CLSTN2: variants seen among roughly 807,000 people sequenced by gnomAD.
CLSTN2 encodes the protein calsyntenin 2, also known as calsyntenin-2.
Under a neutral mutation model 101.2 loss-of-function variants are expected in CLSTN2, and 48 were observed. The observed-to-expected ratio is 0.47, with a 90% CI of 0.38 to 0.60. The LOEUF is 0.60. CLSTN2 is among the 20% of genes least tolerant of loss of function. The probability of loss-of-function intolerance (pLI) is 0.00; values close to 1 mark genes in which losing one functional copy is unlikely to be tolerated. For synonymous variants in CLSTN2, 481 were observed against 463.6 expected (o/e 1.04, Z -0.48); for missense variants, 1,160 against 1,238.2 (o/e 0.94, Z 0.95).
chr3:140,195,999 A>T (rs73868802), intron 2 of CLSTN2, among the ~76,000 whole-genome samples: 4,403 of 152,320 alleles, frequency 0.029, 223 homozygotes, highest in African/African-American at 0.096. Flanking sequence ...GTGGATGCTG[A>T]TGGAGAAGAG....
intron 8 of CLSTN2, among the ~76,000 whole-genome samples, chr3:140,494,696 T>G (rs370504850): frequency 1.3e-5 from 2 of 152,218 alleles, no homozygotes; most frequent in East Asian, 3.9e-4. Flanking sequence ...CTCTGACTTA[T>G]AAGTGAGAAC....
intron 2 of CLSTN2, among the ~76,000 whole-genome samples, chr3:140,400,075 A>G (rs2088223452): frequency 6.6e-6 from 1 of 152,178 alleles, no homozygotes. Context: ...GACAGGCTAC[A>G]ACAGGGTTCC....
rs145559724 is a variant in CLSTN2, at chr3:140,426,887, G to C, written c.787+5613G>C. ...TTCTACAAAGCATCACTTAAAGAGA[G>C]AATGGGGCTGGGCGCAGTGGCTCAC... On this transcript the variant is annotated intron_variant, in intron 5 of 16. Coordinates refer to ENST00000458420, the MANE Select transcript of CLSTN2 (RefSeq NM_022131.3). Among the ~76,000 whole-genome samples the C allele has an allele frequency of 3.9e-5, 6 of 152,184 alleles. No individual in the cohort carries two copies. The East Asian group carries it at 1.2e-3, about 29-fold the overall frequency.
chr3:140,529,807 A>G (rs768455391), intron 8 of CLSTN2, among the ~76,000 whole-genome samples: 4 of 152,192 alleles, frequency 2.6e-5, no homozygotes, highest in Non-Finnish European at 5.9e-5. Context: ...CTTCACACCA[A>G]CAATGCTCTC....
chr3:140,365,829 T>TAAGGA (rs2087781802), intron 2 of CLSTN2, among the ~76,000 whole-genome samples: 4 of 152,204 alleles, frequency 2.6e-5, no homozygotes, highest in Non-Finnish European at 1.5e-5. Context: ...TTCCTTTGCT[T>TAAGGA]ATGATTCACA....
chr3:140,190,281 A>G (rs951279056), intron 2 of CLSTN2, among the ~76,000 whole-genome samples: 23 of 152,068 alleles, frequency 1.5e-4, no homozygotes, highest in Non-Finnish European at 2.6e-4. Flanking sequence ...CTTTGTGTCA[A>G]TGGCCCCACC....
intron 2 of CLSTN2, among the ~76,000 whole-genome samples, chr3:140,202,329 G>T (rs1404404453): frequency 6.6e-6 from 1 of 152,184 alleles, no homozygotes; most frequent in Non-Finnish European, 1.5e-5. Flanking sequence ...GAGAAGTAGT[G>T]GGATTGTGGG....
chr3:140,272,565 C>A (rs1031461517), intron 2 of CLSTN2, among the ~76,000 whole-genome samples: 2 of 152,164 alleles, frequency 1.3e-5, no homozygotes, highest in African/African-American at 4.8e-5. Flanking sequence ...GCCTGGCCAA[C>A]ATGCCAAAAT....
At chr3:140,398,248 T>G (rs547087937) in intron 2 of CLSTN2, among the ~76,000 whole-genome samples, 70 of 152,300 alleles carry the variant, frequency 4.6e-4, no homozygotes, top group South Asian at 1.2e-3. Context: ...GTGTTTAAAG[T>G]GCACTTTCCA....
chr3:140,380,275 G>T (rs1414898304), intron 2 of CLSTN2, among the ~76,000 whole-genome samples: 1 of 152,122 alleles, frequency 6.6e-6, no homozygotes, highest in Non-Finnish European at 1.5e-5. Context: ...AACCCATTGT[G>T]GGGCCCTGGT....
chr3:139,971,297 G>A (rs1247778622), intron 1 of CLSTN2, among the ~76,000 whole-genome samples: 3 of 152,164 alleles, frequency 2.0e-5, no homozygotes. Flanking sequence ...AGATGAGTTG[G>A]CATCTTTTAA....
intron 2 of CLSTN2, among the ~76,000 whole-genome samples, chr3:140,256,834 T>A (rs1477535330): frequency 6.6e-6 from 1 of 152,014 alleles, no homozygotes; most frequent in Non-Finnish European, 1.5e-5. Context: ...TGCATTGAGG[T>A]TTTTTGGTTT....
intron 2 of CLSTN2, among the ~76,000 whole-genome samples, chr3:140,303,104 A>G (rs1332501415): frequency 1.3e-5 from 2 of 152,224 alleles, no homozygotes; most frequent in African/African-American, 2.4e-5. Context: ...AACCTAAGGC[A>G]TTCTGGGATG....
In CLSTN2 at chr3:139,944,371, G is replaced by T. The variant is rs139096341; in HGVS notation, c.109+8888G>T. Among the ~76,000 whole-genome samples, 39 of 152,316 alleles carry T rather than the reference G, an allele frequency of 2.6e-4. 1 individual carries two copies. In the East Asian group the frequency reaches 7.3e-3, roughly 29 times the overall value. ...GCCCAGAACCCATCCCAGAGATTTT[G>T]TTGTAATTGCTCAGGGACAGCACCT... On this transcript the variant is annotated intron_variant, in intron 1 of 16. Transcript: ENST00000458420.
intron 8 of CLSTN2, among the ~76,000 whole-genome samples, chr3:140,514,298 A>G (rs1283211240): frequency 6.6e-6 from 1 of 152,004 alleles, no homozygotes; most frequent in Non-Finnish European, 1.5e-5. Context: ...CCCAAAGTCC[A>G]TTGTGTCATT....
intron 1 of CLSTN2, among the ~76,000 whole-genome samples, chr3:140,120,167 C>T (rs997258913): frequency 6.6e-6 from 1 of 152,080 alleles, no homozygotes; most frequent in Non-Finnish European, 1.5e-5. Flanking sequence ...CTACCACCAC[C>T]CCAGATACTA....
chr3:140,082,995 G>T (rs1358871951), intron 1 of CLSTN2, among the ~76,000 whole-genome samples: 2 of 152,154 alleles, frequency 1.3e-5, no homozygotes, highest in Non-Finnish European at 2.9e-5. Context: ...TACACATGCT[G>T]TTTCCGCTGC....
At chr3:140,171,166 G>A (rs1018376326) in intron 1 of CLSTN2, among the ~76,000 whole-genome samples, 1 of 152,090 alleles carries the variant, frequency 6.6e-6, no homozygotes, top group Non-Finnish European at 1.5e-5. Flanking sequence ...AGGAGTGTGG[G>A]GACAGCCCAG....
At chr3:140,233,908 G>T (rs1422177720) in intron 2 of CLSTN2, among the ~76,000 whole-genome samples, 1 of 152,206 alleles carries the variant, frequency 6.6e-6, no homozygotes, top group Non-Finnish European at 1.5e-5. Context: ...AGTTTTATTG[G>T]AACACAACCA....
Sources: gnomAD v4.1 joint callset for allele counts (sites outside exome capture counted in the v4.1 genomes callset) on GRCh38, gnomAD v4.1.1 for gene constraint, MANE v1.5 for transcripts, NCBI Gene and HGNC (gene_info 2026-07-23, HGNC 2026-07-21) for gene names.